The following OCLN variants were observed in gnomAD, a reference collection of about 807,000 sequenced individuals.
OCLN encodes the protein occludin.
A neutral mutation model predicts 47.9 loss-of-function variants in OCLN; 21 were observed. That is an observed-to-expected ratio of 0.44 (90% CI 0.31 to 0.63). The LOEUF is 0.63. Ranked by LOEUF, OCLN falls within the 30% of genes least tolerant of loss-of-function variation. The pLI, the probability that OCLN is intolerant of heterozygous loss-of-function variation, is 0.08. For synonymous variants in OCLN, 117 were observed against 198.4 expected, an observed-to-expected ratio of 0.59 and a Z score of 3.45; for missense variants, 360 against 571.0, an observed-to-expected ratio of 0.63 and a Z score of 3.77.
chr5:69,512,119 C>G (rs1055239977), intron 3 of OCLN, among the ~76,000 whole-genome samples: 4 of 151,420 alleles, frequency 2.6e-5, no homozygotes, highest in African/African-American at 7.3e-5. Flanking sequence ...ATATCTAATG[C>G]TTTGCCTAAT....
intron 4 of OCLN, among the ~76,000 whole-genome samples, chr5:69,521,117 A>G (rs1389582812): frequency 1.3e-5 from 2 of 152,192 alleles, no homozygotes; most frequent in Non-Finnish European, 2.9e-5. Flanking sequence ...GATTACAGGC[A>G]TGAGCCACCG....
At chr5:69,522,001 G>GT (rs974304716) in intron 4 of OCLN, among the ~76,000 whole-genome samples, 1 of 151,990 alleles carries the variant, frequency 6.6e-6, no homozygotes, top group African/African-American at 2.4e-5. Flanking sequence ...TGTCTACAGT[G>GT]TTTTTTTGTT....
Position 69,493,235 on chromosome 5 carries a change from G to C in OCLN, c.-69+335G>C, listed in dbSNP as rs1297201043. ...GGGCACGACATTCCTGAACAGCGAC[G>C]ATCCTGCATCCGCTCTGGGGCTGCA... On this transcript the variant is annotated intron_variant, in intron 1 of 8. Transcript: ENST00000396442. This position sits in a 1 kb window ranked among gnomAD's most constrained non-coding sequence, Gnocchi z 5.3. Among the ~76,000 whole-genome samples, 1 of 152,142 alleles carries C rather than the reference G, an allele frequency of 6.6e-6. No homozygotes were observed. Among genetic ancestry groups the C allele is most frequent in the African/African-American group, 2.4e-5 (1 of 41,444 alleles).
At chr5:69,516,353 C>A (rs1371511634) in intron 4 of OCLN, among the ~76,000 whole-genome samples, 2 of 152,222 alleles carry the variant, frequency 1.3e-5, no homozygotes, top group Non-Finnish European at 2.9e-5. Flanking sequence ...GAAAACCAGT[C>A]AGGCGTGGTG....
chr5:69,519,420 T>C (rs1769070015), intron 4 of OCLN, among the ~76,000 whole-genome samples: 1 of 152,204 alleles, frequency 6.6e-6, no homozygotes, highest in Non-Finnish European at 1.5e-5. Context: ...CCTGTCCCTG[T>C]TGGCTCAACA....
intron 3 of OCLN, among the ~76,000 whole-genome samples, chr5:69,511,822 C>T (rs906582854): frequency 2.6e-5 from 4 of 151,970 alleles, no homozygotes; most frequent in African/African-American, 4.8e-5. Flanking sequence ...GTCAGGAGTT[C>T]GAGACCAGCC....
chr5:69,517,121 G>A (rs1768993849), intron 4 of OCLN, among the ~76,000 whole-genome samples: 1 of 151,836 alleles, frequency 6.6e-6, no homozygotes, highest in Admixed American at 6.6e-5. Flanking sequence ...ATCCTGTTAG[G>A]GTCCTGTTAG....
chr5:69,549,851 C>T (rs1290364593), intron 7 of OCLN, among the ~76,000 whole-genome samples: 9 of 151,296 alleles, frequency 5.9e-5, no homozygotes, highest in Admixed American at 1.3e-4. Context: ...CTCGCTTTGA[C>T]GGTTGGGAAC....
At position 69,515,131 on chromosome 5, in the gene OCLN, C is replaced by G. The variant is rs1388125667; in HGVS notation, c.891+1022C>G. Among the ~76,000 whole-genome samples the G allele has an allele frequency of 2.3e-3, 313 of 136,028 alleles. 1 individual carries two copies. Among genetic ancestry groups the G allele is most frequent in the Middle Eastern group, 0.014 (3 of 214 alleles). 89.2% of individuals were successfully genotyped at this position (136,028 alleles called of 152,430 possible). A position where few individuals can be genotyped will look rare whatever the true frequency, so the allele number is the denominator to read the frequency against. The stretch of plus-strand genomic sequence containing the variant: ...CAGAGGCGCCCCTCACCTCCTGGAC[C>G]GGGCGGCTGGCCGGGCGGGGGGCTG... On this transcript the variant is annotated intron_variant, in intron 4 of 8. Coordinates refer to ENST00000396442, the MANE Select transcript of OCLN (RefSeq NM_001205254.2).
At chr5:69,525,382 GCGTGAGCCAC>G (rs1168915753) in intron 4 of OCLN, among the ~76,000 whole-genome samples, 2 of 152,106 alleles carry the variant, frequency 1.3e-5, no homozygotes, top group African/African-American at 4.8e-5. Flanking sequence ...GGGATTACAG[GCGTGAGCCAC>G]CGTGCCTGGC....
At chr5:69,536,923 G>C (rs1189661097) in intron 5 of OCLN, among the ~76,000 whole-genome samples, 1 of 150,506 alleles carries the variant, frequency 6.6e-6, no homozygotes, top group Non-Finnish European at 1.5e-5. Context: ...AGCCGAGATC[G>C]CGCCACTGCA....
At chr5:69,504,643 A>G (rs900020081) in intron 2 of OCLN, among the ~76,000 whole-genome samples, 11 of 152,238 alleles carry the variant, frequency 7.2e-5, no homozygotes, top group African/African-American at 2.2e-4. Context: ...GTTTTTAAAA[A>G]TAACAGCTTT....
At chr5:69,520,238 C>T (rs1395421930) in intron 4 of OCLN, among the ~76,000 whole-genome samples, 2 of 151,754 alleles carry the variant, frequency 1.3e-5, no homozygotes, top group Admixed American at 6.6e-5. Flanking sequence ...GGATTATAGG[C>T]GTCAGCCACC....
Position 69,533,086 on chromosome 5 carries a change from TATAC to T in OCLN, c.892-1606_892-1603del, listed in dbSNP as rs202034476. Reference sequence around the variant, plus strand: ...ATATATATACACACACATATATATATATACACACACACACACACACACATATATA... The same window carrying T: ...ATATATATACACACACATATATATATACACACACACACACACACATATATA... On this transcript the variant is annotated intron_variant, in intron 4 of 8. Coordinates refer to ENST00000396442, the MANE Select transcript of OCLN (RefSeq NM_001205254.2). Among the ~76,000 whole-genome samples the T allele has an allele frequency of 1.4e-4, 20 of 144,618 alleles. No individual in the cohort carries two copies. In the East Asian group the frequency reaches 2.3e-3, roughly 17 times the overall value. 94.9% of individuals were successfully genotyped at this position (144,618 alleles called of 152,430 possible).
rs896975040 is a variant in OCLN at position 69,509,455 on chromosome 5, A to G, written c.365A>G (p.Tyr122Cys). Residue 122 changes from tyrosine (Y) to cysteine (C), a missense_variant, in exon 3 of 9, where the codon TAT (tyrosine) becomes TGT (cysteine). Physicochemically the swap from Tyr to Cys is radical, Grantham distance 194. Around this residue, in one of 3 missense-constraint regions of OCLN, gnomAD observed 314 missense variants for 368.1 expected, o/e 0.85. Transcript: ENST00000396442. ...TACGGAAGTGGCTATGGCTATGGCT[A>G]TGGTTATGGCTATGGCTACGGAGGC... is the stretch of plus-strand genomic sequence containing the variant. ...GSYGSGYGYG[Y>C]GYGYGYGGYT... 14 of 1,614,074 alleles carry G rather than the reference A, an allele frequency of 8.7e-6. No individual in the cohort carries two copies. Among genetic ancestry groups the G allele is most frequent in the Admixed American group, 3.3e-5 (2 of 60,006 alleles).
At chr5:69,504,750 C>T (rs1015527368) in intron 2 of OCLN, among the ~76,000 whole-genome samples, 4 of 151,272 alleles carry the variant, frequency 2.6e-5, no homozygotes, top group African/African-American at 9.7e-5. Flanking sequence ...TCCTGGCCAA[C>T]ATGGTGAACT....
At position 69,504,353 on chromosome 5, in the gene OCLN, A is replaced by T. The variant is rs543657324; in HGVS notation, c.50+59A>T. The T allele has an allele frequency of 1.0e-5, 10 of 1,002,606 alleles. No homozygotes were observed. In the African/African-American group the frequency reaches 1.1e-4, roughly 11 times the overall value. The allele number at this position is 1,002,606 out of a possible 1,614,324, so 62.1% of individuals were successfully genotyped here. A position where few individuals can be genotyped will look rare whatever the true frequency, so the allele number is the denominator to read the frequency against. On this transcript the variant is annotated intron_variant, in intron 2 of 8. Transcript: ENST00000396442. ...AAAAGTCTATCACATGTAAACAATA[A>T]GTATGGTTGAAACTTTAAGTGTTTG...
At chr5:69,522,221 A>G (rs1017632140) in intron 4 of OCLN, among the ~76,000 whole-genome samples, 2 of 152,160 alleles carry the variant, frequency 1.3e-5, no homozygotes, top group African/African-American at 2.4e-5. Flanking sequence ...ACCCCCTTCA[A>G]GGTTTAAATA....
chr5:69,531,884 T>C (rs1181867137), intron 4 of OCLN, among the ~76,000 whole-genome samples: 1 of 152,232 alleles, frequency 6.6e-6, no homozygotes, highest in Non-Finnish European at 1.5e-5. Context: ...GTAAGGAATA[T>C]GTATTGCAGA....
Sources: allele counts gnomAD v4.1 joint callset (sites outside exome capture counted in the v4.1 genomes callset), GRCh38; gene constraint gnomAD v4.1.1; regional missense constraint gnomAD v4.1.1; non-coding constraint Gnocchi (gnomAD v3.1); transcripts MANE v1.5; gene names NCBI Gene and HGNC (gene_info 2026-07-23, HGNC 2026-07-21).